Variants in CHODL observed in about 807,000 individuals in gnomAD.
CHODL encodes the protein transmembrane protein MT75.
Under a neutral mutation model 34.5 loss-of-function variants are expected in CHODL, and 29 were observed. The ratio of observed to expected loss-of-function variants is 0.84; its 90% CI spans 0.63 to 1.15. The LOEUF is 1.15. Ranked by LOEUF, CHODL falls within the 50% of genes most tolerant of loss-of-function variation. CHODL has a pLI of 0.00. For missense variants in CHODL, 332 were observed against 332.5 expected, an observed-to-expected ratio of 1.00 and a Z score of 0.01; for synonymous variants, 125 against 116.1, an observed-to-expected ratio of 1.08 and a Z score of -0.49.
At chr21:18,161,575 G>A (rs999627951) in intron 2 of CHODL, among the ~76,000 whole-genome samples, 11 of 152,142 alleles carry the variant, frequency 7.2e-5, no homozygotes, top group Non-Finnish European at 1.5e-4. Flanking sequence ...AATGGGTCAT[G>A]CTTTCTCTTA....
intron 2 of CHODL, among the ~76,000 whole-genome samples, chr21:18,074,503 A>G (rs1184461904): frequency 1.3e-5 from 2 of 152,176 alleles, no homozygotes; most frequent in African/African-American, 4.8e-5. Context: ...ACATTGCTAT[A>G]AAGAATAGAT....
At chr21:18,131,742 T>C (rs2072657420) in intron 2 of CHODL, among the ~76,000 whole-genome samples, 1 of 152,154 alleles carries the variant, frequency 6.6e-6, no homozygotes, top group Admixed American at 6.5e-5. Context: ...AAGAGCCTTG[T>C]AGCTGGTCTT....
In CHODL at chr21:18,245,179, G is replaced by A. The variant is rs1271541686; in HGVS notation, c.-45G>A. ...GTCGCGGGCTGCGCCCTGGGCAGAG[G>A]CCGCCCTCGCTCCACGCAACACCTG... On this transcript the variant is annotated 5_prime_UTR_variant, in exon 1 of 6. Coordinates refer to ENST00000299295, the MANE Select transcript of CHODL (RefSeq NM_024944.3). 5 of 1,481,880 alleles carry A rather than the reference G, an allele frequency of 3.4e-6. No individual in the cohort carries two copies. In the Admixed American group the frequency reaches 6.2e-5, roughly 18 times the overall value. The allele number at this position is 1,481,880 out of a possible 1,614,324, so 91.8% of individuals were successfully genotyped here. A position where few individuals can be genotyped will look rare whatever the true frequency, so the allele number is the denominator to read the frequency against.
intron 1 of CHODL, among the ~76,000 whole-genome samples, chr21:18,019,292 G>A (rs1391991192): frequency 6.6e-6 from 1 of 152,106 alleles, no homozygotes; most frequent in Non-Finnish European, 1.5e-5. Context: ...TATAGAGAAT[G>A]CAAAGTTAAT....
intron 2 of CHODL, among the ~76,000 whole-genome samples, chr21:18,036,922 A>G (rs1470371416): frequency 3.9e-5 from 6 of 151,964 alleles, no homozygotes; most frequent in Admixed American, 2.6e-4. Context: ...TCATTAACCA[A>G]TAATATTTTA....
At chr21:18,002,033 T>G (rs1353980401) in intron 1 of CHODL, among the ~76,000 whole-genome samples, 1 of 152,224 alleles carries the variant, frequency 6.6e-6, no homozygotes, top group Non-Finnish European at 1.5e-5. Flanking sequence ...GCTGCCCGTG[T>G]TTGTGTCTGT....
upstream of CHODL, among the ~76,000 whole-genome samples, chr21:18,241,522 C>G (rs1161350635): frequency 6.6e-6 from 1 of 152,148 alleles, no homozygotes; most frequent in Non-Finnish European, 1.5e-5. Context: ...TGTCACTGTT[C>G]GATCTGGAGC....
intron 2 of CHODL, among the ~76,000 whole-genome samples, chr21:18,141,437 G>A (rs2072801310): frequency 6.6e-6 from 1 of 152,088 alleles, no homozygotes; most frequent in African/African-American, 2.4e-5. Context: ...AACAGCAGTA[G>A]AGAAAAGACA....
intron 2 of CHODL, among the ~76,000 whole-genome samples, chr21:18,146,768 C>T (rs917142828): frequency 6.6e-6 from 1 of 152,186 alleles, no homozygotes; most frequent in Non-Finnish European, 1.5e-5. Context: ...AATCTGAGCT[C>T]TTAGTATCCC....
intron 1 of CHODL, among the ~76,000 whole-genome samples, chr21:17,979,108 T>A (rs1022781438): frequency 2.0e-5 from 3 of 152,182 alleles, no homozygotes; most frequent in African/African-American, 4.8e-5. Context: ...CTTTCTTATT[T>A]AAGGTCCATA....
Position 17,930,743 on chromosome 21 carries a change from A to G in CHODL, c.-145+13343A>G, listed in dbSNP as rs116076904. On this transcript the variant is annotated intron_variant, in intron 1 of 6. Transcript: ENST00000400127. Reference sequence around the variant, plus strand: ...CATTCCCTCTGGGGTCTGAGGTTGAACTAATCCAATCACCTGACACCACCA... The same window carrying G: ...CATTCCCTCTGGGGTCTGAGGTTGAGCTAATCCAATCACCTGACACCACCA... Among the ~76,000 whole-genome samples the G allele has an allele frequency of 7.6e-3, 1,159 of 152,286 alleles. 19 individuals carry two copies. Among genetic ancestry groups the G allele is most frequent in the African/African-American group, 0.026 (1,079 of 41,552 alleles).
chr21:17,941,512 C>T (rs1463412295), intron 1 of CHODL, among the ~76,000 whole-genome samples: 5 of 147,230 alleles, frequency 3.4e-5, no homozygotes, highest in Non-Finnish European at 7.4e-5. Flanking sequence ...AATGAATTGG[C>T]CTTGATTTAT....
At position 18,229,621 on chromosome 21, in the gene CHODL, T is replaced by G. The variant is rs116579453; in HGVS notation, c.-44-26888T>G. 3.4e-3 allele frequency among the ~76,000 whole-genome samples: 520 copies of G among 152,232 alleles called. 5 individuals are homozygous for G. The highest frequency in any genetic ancestry group is 0.014 in the Middle Eastern group (4 of 294). On this transcript the variant is annotated intron_variant, in intron 2 of 6. Coordinates refer to the CHODL transcript ENST00000400127. ...TATCAATGGGATGGACGCTCATAAT[T>G]CTTCAGTGTTAGGGTGGGGGAGAAT...
chr21:18,214,979 G>C (rs1025233780), intron 2 of CHODL, among the ~76,000 whole-genome samples: 1 of 151,926 alleles, frequency 6.6e-6, no homozygotes, highest in African/African-American at 2.4e-5. Flanking sequence ...AAACCAAAAT[G>C]ATATTTAACA....
intron 2 of CHODL, among the ~76,000 whole-genome samples, chr21:18,131,703 C>T (rs151185293): frequency 6.6e-6 from 1 of 152,218 alleles, no homozygotes; most frequent in East Asian, 1.9e-4. Flanking sequence ...TCCTTGCAGT[C>T]ACTCATTGCT....
chr21:18,030,535 C>T (rs1219460280), intron 2 of CHODL, among the ~76,000 whole-genome samples: 1 of 152,126 alleles, frequency 6.6e-6, no homozygotes, highest in Non-Finnish European at 1.5e-5. Context: ...CATTGTTAAG[C>T]ATTGGATAAT....
chr21:18,163,644 G>T (rs2146647019), intron 2 of CHODL, among the ~76,000 whole-genome samples: 1 of 152,316 alleles, frequency 6.6e-6, no homozygotes, highest in South Asian at 2.1e-4. Flanking sequence ...TCAGGAGGAT[G>T]AAAAGATGGT....
intron 2 of CHODL, among the ~76,000 whole-genome samples, chr21:18,090,976 A>G (rs1568881111): frequency 1.3e-5 from 2 of 152,192 alleles, no homozygotes; most frequent in Non-Finnish European, 2.9e-5. Flanking sequence ...AATCACAGAA[A>G]CCACCACTTC....
chr21:17,973,450 C>G (rs1568824412), intron 1 of CHODL, among the ~76,000 whole-genome samples: 1 of 130,704 alleles, frequency 7.7e-6, no homozygotes, highest in Non-Finnish European at 1.6e-5. Flanking sequence ...CAGTCTCACT[C>G]TTGTCACCCA....
Sources: allele counts gnomAD v4.1 joint callset (sites outside exome capture counted in the v4.1 genomes callset), GRCh38; gene constraint gnomAD v4.1.1; transcripts MANE v1.5; gene names NCBI Gene and HGNC (gene_info 2026-07-23, HGNC 2026-07-21).